RLIM: variants seen among roughly 807,000 people sequenced by gnomAD.
RLIM encodes the protein E3 ubiquitin-protein ligase RLIM.
A neutral mutation model predicts 34.0 loss-of-function variants in RLIM; 2 were observed. That is an observed-to-expected ratio of 0.06 (90% CI 0.02 to 0.19). The LOEUF is 0.19. Ranked by LOEUF, RLIM falls within the 10% of genes least tolerant of loss-of-function variation. The pLI, the probability that RLIM is intolerant of heterozygous loss-of-function variation, is 1.00. For synonymous variants in RLIM, 169 were observed against 164.0 expected (o/e 1.03, Z -0.23); for missense variants, 286 against 479.7 (o/e 0.60, Z 3.77).
At chrX:74,602,858 T>C (rs530906057) in intron 1 of RLIM, among the ~76,000 whole-genome samples, 19 of 111,206 alleles carry the variant, frequency 1.7e-4, no homozygotes, top group African/African-American at 6.2e-4. Flanking sequence ...ACAATTACCA[T>C]CTTCAAATAT....
In RLIM at chrX:74,589,147, C is replaced by T. The variant is rs1465790877; in HGVS notation, c.*2293G>A. Reference sequence around the variant, plus strand: ...TTAATACTTCACAAATGAGTAAGTACGTCTTGGGAGATTAGGAAGGTACCT... The same window carrying T: ...TTAATACTTCACAAATGAGTAAGTATGTCTTGGGAGATTAGGAAGGTACCT... On this transcript the variant is annotated 3_prime_UTR_variant, in exon 4 of 4. Coordinates refer to ENST00000332687, the MANE Select transcript of RLIM (RefSeq NM_016120.4). The T allele has an allele frequency of 9.0e-6, 1 of 111,679 alleles. No individual in the cohort carries two copies. Among genetic ancestry groups the T allele is most frequent in the African/African-American group, 3.2e-5 (1 of 30,779 alleles). 9.2% of individuals were successfully genotyped at this position (111,679 alleles called of 1,213,427 possible).
chrX:74,609,592 G>A (rs1286529610), intron 1 of RLIM, among the ~76,000 whole-genome samples: 2 of 102,306 alleles, frequency 2.0e-5, no homozygotes, highest in South Asian at 4.5e-4. Flanking sequence ...TTGTATTTAA[G>A]ACCAACCATG....
rs1230544114 is a variant in RLIM at position 74,601,711 on chromosome X, G to A, written c.-23-5711C>T. Among the ~76,000 whole-genome samples, 4 of 111,548 alleles carry A rather than the reference G, an allele frequency of 3.6e-5. No individual in the cohort carries two copies. In the East Asian group the frequency reaches 1.1e-3, roughly 31 times the overall value. On this transcript the variant is annotated intron_variant, in intron 1 of 3. Coordinates refer to ENST00000332687, the MANE Select transcript of RLIM (RefSeq NM_016120.4). ...AGAACCTCTTTGATAGGGACATCAG[G>A]ATAACACTGCTGACTTACTGACTTG...
intron 1 of RLIM, among the ~76,000 whole-genome samples, chrX:74,612,093 TGAAA>T (rs1264987627): frequency 9.0e-6 from 1 of 111,697 alleles, no homozygotes; most frequent in Non-Finnish European, 1.9e-5. Flanking sequence ...ATAATAATAA[TGAAA>T]GGAGTCAATA....
At chrX:74,606,958 A>T (rs1181168042) in intron 1 of RLIM, among the ~76,000 whole-genome samples, 1 of 110,339 alleles carries the variant, frequency 9.1e-6, no homozygotes, top group Non-Finnish European at 1.9e-5. Flanking sequence ...CAACATGGTG[A>T]AACCGTTTCT....
At chrX:74,607,379 G>A (rs2079686986) in intron 1 of RLIM, among the ~76,000 whole-genome samples, 1 of 112,538 alleles carries the variant, frequency 8.9e-6, no homozygotes, top group African/African-American at 3.2e-5. Context: ...CAAGAGAAGG[G>A]CAATCCATTT....
In RLIM at chrX:74,589,763, G is replaced by A; in HGVS notation, c.*1677C>T. The A allele has an allele frequency of 8.9e-6, 1 of 111,848 alleles. No homozygotes were observed. Among genetic ancestry groups the A allele is most frequent in the Non-Finnish European group, 1.9e-5 (1 of 53,159 alleles). 9.2% of individuals were successfully genotyped at this position (111,848 alleles called of 1,213,427 possible). A position where few individuals can be genotyped will look rare whatever the true frequency, so the allele number is the denominator to read the frequency against. ...TCAATCCCTATTTTGGCCTGTTAAAGCTTTTCCCAGAAGAACAAATATCTG... is the reference window on the plus strand; with the variant it reads ...TCAATCCCTATTTTGGCCTGTTAAAACTTTTCCCAGAAGAACAAATATCTG... On this transcript the variant is annotated 3_prime_UTR_variant, in exon 4 of 4. Coordinates refer to ENST00000332687, the MANE Select transcript of RLIM (RefSeq NM_016120.4).
At chrX:74,610,905 T>TA (rs1173401103) in intron 1 of RLIM, among the ~76,000 whole-genome samples, 1 of 105,289 alleles carries the variant, frequency 9.5e-6, no homozygotes, top group Non-Finnish European at 2.0e-5. Flanking sequence ...AATAAAAAAA[T>TA]AAAAAATAAA....
At position 74,589,601 on chromosome X, in the gene RLIM, G is replaced by A. The variant is rs2079603839; in HGVS notation, c.*1839C>T. On this transcript the variant is annotated 3_prime_UTR_variant, in exon 4 of 4. Coordinates refer to ENST00000332687, the MANE Select transcript of RLIM (RefSeq NM_016120.4). ...GCCAGAAGAAATCATGGAAGAGTGA[G>A]CTTTGAAATAATCTTTACAGCTAAG... 8.9e-6 allele frequency: 1 copy of A among 112,275 alleles called. No individual in the cohort carries two copies. The highest frequency in any genetic ancestry group is 9.5e-5 in the Admixed American group (1 of 10,577). 9.3% of individuals were successfully genotyped at this position (112,275 alleles called of 1,213,427 possible). A position where few individuals can be genotyped will look rare whatever the true frequency, so the allele number is the denominator to read the frequency against.
intron 1 of RLIM, among the ~76,000 whole-genome samples, chrX:74,604,901 T>A (rs1405137441): frequency 9.0e-6 from 1 of 111,475 alleles, no homozygotes; most frequent in Non-Finnish European, 1.9e-5. Flanking sequence ...TCTCCTTTCC[T>A]GCTACCCTTC....
intron 1 of RLIM, among the ~76,000 whole-genome samples, chrX:74,607,752 C>A (rs78458587): frequency 4.0e-3 from 442 of 110,551 alleles, no homozygotes; most frequent in Middle Eastern, 9.3e-3. Context: ...CACACACACA[C>A]AAAAAAAACA....
rs886657171 is a variant in RLIM at position 74,586,109 on chromosome X, A to C, written c.*5331T>G. The C allele has an allele frequency of 4.5e-5, 5 of 112,051 alleles. No individual in the cohort carries two copies. The highest frequency in any genetic ancestry group is 1.6e-4 in the African/African-American group (5 of 30,765). 9.2% of individuals were successfully genotyped at this position (112,051 alleles called of 1,213,427 possible). On this transcript the variant is annotated 3_prime_UTR_variant, in exon 4 of 4. Coordinates refer to ENST00000332687, the MANE Select transcript of RLIM (RefSeq NM_016120.4). Reference sequence around the variant, plus strand: ...CAGGCACAGATACATCACCAGGCCAACTGCGTACCTACTCAACTTGATACC... The same window carrying C: ...CAGGCACAGATACATCACCAGGCCACCTGCGTACCTACTCAACTTGATACC...
In RLIM at chrX:74,601,518, AC is replaced by A. The variant is rs1239045350; in HGVS notation, c.-23-5519del. Among the ~76,000 whole-genome samples, 23 of 108,737 alleles carry A rather than the reference AC, an allele frequency of 2.1e-4. 1 individual carries two copies. The highest frequency in any genetic ancestry group is 1.6e-3 in the Admixed American group (16 of 10,193). The allele number at this position is 108,737 out of a possible 115,157, so 94.4% of individuals were successfully genotyped here. On this transcript the variant is annotated intron_variant, in intron 1 of 3. Transcript: ENST00000332687. The stretch of plus-strand genomic sequence containing the variant: ...TGCTGGTCAACTTAAAAAAATACAA[AC>A]CCCCCCCCAAAAAGATTAACCTTAT...
chrX:74,609,788 T>C (rs1159006678), intron 1 of RLIM, among the ~76,000 whole-genome samples: 5 of 111,510 alleles, frequency 4.5e-5, no homozygotes, highest in African/African-American at 1.6e-4. Flanking sequence ...TCCTTAGTTA[T>C]AATCAGCACT....
Position 74,592,019 on chromosome X carries a change from G to A in RLIM, c.1296C>T (p.Val432=). 1 of 1,211,289 alleles carries A rather than the reference G, an allele frequency of 8.3e-7. No individual in the cohort carries two copies. Among genetic ancestry groups the A allele is most frequent in the Non-Finnish European group, 1.1e-6 (1 of 895,289 alleles). Residue 432 remains valine (V), a synonymous_variant, in exon 4 of 4, where the codon GTC becomes GTT. Coordinates refer to ENST00000332687, the MANE Select transcript of RLIM (RefSeq NM_016120.4). ...SDSDSEPTGS[V]SNRNMERAES... is the part of the protein sequence containing the mutation. Reference sequence around the variant, plus strand: ...CTGCCCTTTCCATATTTCGATTTGAGACTGAGCCAGTAGGCTCTGAGTCGC... The same window carrying A: ...CTGCCCTTTCCATATTTCGATTTGAAACTGAGCCAGTAGGCTCTGAGTCGC...
chrX:74,602,719 C>T (rs2079666521), intron 1 of RLIM, among the ~76,000 whole-genome samples: 1 of 111,126 alleles, frequency 9.0e-6, no homozygotes, highest in African/African-American at 3.3e-5. Flanking sequence ...CCTGGGAGAT[C>T]CCGTCTCAAA....
At chrX:74,598,471 T>C (rs1300627006) in intron 1 of RLIM, among the ~76,000 whole-genome samples, 1 of 109,718 alleles carries the variant, frequency 9.1e-6, no homozygotes, top group Non-Finnish European at 1.9e-5. Context: ...TCATAAAAAA[T>C]TAAATTAAAT....
rs376017156 is a variant in RLIM at position 74,591,938 on chromosome X, C to T, written c.1377G>A (p.Ser459=). 77 of 1,208,812 alleles carry T rather than the reference C, an allele frequency of 6.4e-5. No homozygotes were observed. The East Asian group carries it at 1.8e-3, about 29-fold the overall frequency. The change falls in exon 4 of 4, where the codon TCG becomes TCA. Residue 459 remains serine (S), a synonymous_variant. Coordinates refer to ENST00000332687, the MANE Select transcript of RLIM (RefSeq NM_016120.4). ...SGGGSSSGSS[S]SSSSSSSSSS... ...TGGAACTCGAACTGGAACTGGAACT[C>T]GAACTGGAACCAGAACTACTACCAC... is the stretch of plus-strand genomic sequence containing the variant.
rs1319856548 is a variant in RLIM at position 74,584,458 on chromosome X, A to G, written c.*6982T>C. On this transcript the variant is annotated 3_prime_UTR_variant, in exon 4 of 4. Transcript: ENST00000332687. ...GTAATCCATGCAAGGCCTTATAGTT[A>G]AATCTTGTCTAAATTCAAAGACCTC... Among the ~76,000 whole-genome samples, 1 of 112,583 alleles carries G rather than the reference A, an allele frequency of 8.9e-6. No homozygotes were observed. Among genetic ancestry groups the G allele is most frequent in the Non-Finnish European group, 1.9e-5 (1 of 53,331 alleles).
Sources: allele counts gnomAD v4.1 joint callset (sites outside exome capture counted in the v4.1 genomes callset), GRCh38; gene constraint gnomAD v4.1.1; transcripts MANE v1.5; gene names NCBI Gene and HGNC (gene_info 2026-07-23, HGNC 2026-07-21).